Variants in SUCLG1 observed in about 807,000 individuals in gnomAD.
The protein encoded by SUCLG1 is succinate--CoA ligase [ADP/GDP-forming] subunit alpha, mitochondrial.
A neutral mutation model predicts 37.3 loss-of-function variants in SUCLG1; 26 were observed. The ratio of observed to expected loss-of-function variants is 0.70; its 90% CI spans 0.51 to 0.97. SUCLG1 has a LOEUF of 0.97. SUCLG1 is among the 50% of genes least tolerant of loss of function. The pLI, the probability that SUCLG1 is intolerant of heterozygous loss-of-function variation, is 0.00. For synonymous variants in SUCLG1, 163 were observed against 155.6 expected (o/e 1.05, Z -0.36); for missense variants, 433 against 432.9 (o/e 1.00, Z 0.00).
chr2:84,446,857 A>G (rs1672859759), intron 2 of SUCLG1, among the ~76,000 whole-genome samples: 1 of 152,272 alleles, frequency 6.6e-6, no homozygotes, highest in Non-Finnish European at 1.5e-5. Context: ...ATTAAAAACA[A>G]GCACCTACAC....
intron 1 of SUCLG1, among the ~76,000 whole-genome samples, chr2:84,452,492 C>A (rs887407397): frequency 6.6e-6 from 1 of 152,146 alleles, no homozygotes; most frequent in South Asian, 2.1e-4. Context: ...TATATCTTCA[C>A]ACGATATACA....
chr2:84,453,921 T>C (rs1004145544), intron 1 of SUCLG1, among the ~76,000 whole-genome samples: 3 of 152,220 alleles, frequency 2.0e-5, no homozygotes, highest in African/African-American at 7.2e-5. Context: ...GGCCTGGTCT[T>C]GAGTTTATGC....
At position 84,441,029 on chromosome 2, in the gene SUCLG1, T is replaced by C. The variant is rs1484024653; in HGVS notation, c.589+18A>G. On this transcript the variant is annotated intron_variant, in intron 5 of 8. Coordinates refer to ENST00000393868, the MANE Select transcript of SUCLG1 (RefSeq NM_003849.4). ...CAAATAACGTTTTAATCTATAAGAA[T>C]GTAACAAACAAACTCACCAATCCTT... is the stretch of plus-strand genomic sequence containing the variant. 5.0e-6 allele frequency: 8 copies of C among 1,612,726 alleles called. No individual in the cohort carries two copies. The highest frequency in any genetic ancestry group is 1.1e-5 in the South Asian group (1 of 91,038).
intron 1 of SUCLG1, among the ~76,000 whole-genome samples, chr2:84,450,146 G>A (rs1045857614): frequency 1.3e-5 from 2 of 152,020 alleles, no homozygotes; most frequent in Non-Finnish European, 1.5e-5. Flanking sequence ...AAACAGCCAC[G>A]TTTCCCCACT....
At chr2:84,454,277 T>C (rs1423266442) in intron 1 of SUCLG1, among the ~76,000 whole-genome samples, 4 of 152,236 alleles carry the variant, frequency 2.6e-5, no homozygotes, top group Non-Finnish European at 4.4e-5. Flanking sequence ...TAATGTGCAG[T>C]ATGCACAAAT....
Position 84,443,371 on chromosome 2 carries a change from T to C in SUCLG1, c.231A>G (p.Glu77=), listed in dbSNP as rs1375778904. Residue 77 remains glutamate (E), a synonymous_variant, in exon 3 of 9, where the codon GAA becomes GAG. Coordinates refer to ENST00000393868, the MANE Select transcript of SUCLG1 (RefSeq NM_003849.4). ...QGTFHSQQAL[E]YGTKLVGGTT... is the part of the protein sequence containing the mutation. ...TTCCTCCAACGAGTTTGGTGCCATATTCCAATGCCTGCTGGCTGTGAAAGG... is the reference window on the plus strand; with the variant it reads ...TTCCTCCAACGAGTTTGGTGCCATACTCCAATGCCTGCTGGCTGTGAAAGG... 2 of 1,614,166 alleles carry C rather than the reference T, an allele frequency of 1.2e-6. No individual in the cohort carries two copies. Among genetic ancestry groups the C allele is most frequent in the Non-Finnish European group, 1.7e-6 (2 of 1,179,998 alleles).
At chr2:84,434,670 C>T (rs925151715) in intron 5 of SUCLG1, among the ~76,000 whole-genome samples, 2 of 152,156 alleles carry the variant, frequency 1.3e-5, no homozygotes, top group Admixed American at 6.5e-5. Context: ...CTCAGAAGAC[C>T]CTTTTCTAAC....
chr2:84,436,462 G>A (rs1014812744), intron 5 of SUCLG1, among the ~76,000 whole-genome samples: 10 of 152,172 alleles, frequency 6.6e-5, no homozygotes, highest in African/African-American at 1.7e-4. Context: ...CAGTGCCTCC[G>A]ATCAACAGCT....
intron 5 of SUCLG1, among the ~76,000 whole-genome samples, chr2:84,434,413 C>G (rs1672654141): frequency 6.6e-6 from 1 of 152,150 alleles, no homozygotes; most frequent in Non-Finnish European, 1.5e-5. Context: ...TATAAATGGA[C>G]CTGTGTGAAA....
intron 7 of SUCLG1, chr2:84,426,904 A>T (rs1672543157): frequency 6.5e-6 from 1 of 152,676 alleles, no homozygotes; most frequent in Non-Finnish European, 1.5e-5. Context: ...TATACTTAAA[A>T]GAATTATTGA....
chr2:84,456,419 T>C (rs530066555), intron 1 of SUCLG1, among the ~76,000 whole-genome samples: 1 of 152,344 alleles, frequency 6.6e-6, no homozygotes, highest in Non-Finnish European at 1.5e-5. Context: ...GTTTACTTTC[T>C]GGCATTAAAA....
intron 7 of SUCLG1, among the ~76,000 whole-genome samples, chr2:84,427,248 G>A (rs1420643082): frequency 3.3e-5 from 5 of 152,240 alleles, no homozygotes; most frequent in African/African-American, 1.2e-4. Context: ...CTGCCTTACA[G>A]ATAATTGGGA....
At chr2:84,424,133 C>A (rs1672496323) in intron 8 of SUCLG1, among the ~76,000 whole-genome samples, 1 of 152,124 alleles carries the variant, frequency 6.6e-6, no homozygotes, top group African/African-American at 2.4e-5. Flanking sequence ...ATACATGAAC[C>A]CTTCTAAGAA....
intron 6 of SUCLG1, 121 bp from the exon 7 acceptor site, chr2:84,431,780 G>T: frequency 1.0e-6 from 1 of 962,794 alleles, no homozygotes; most frequent in Non-Finnish European, 1.6e-6. Flanking sequence ...ATTTTTAAAT[G>T]TATCATTGCT....
chr2:84,434,041 G>A (rs1229232969), intron 5 of SUCLG1, among the ~76,000 whole-genome samples: 2 of 152,020 alleles, frequency 1.3e-5, no homozygotes, highest in Middle Eastern at 3.2e-3. Flanking sequence ...CATGTGACAC[G>A]TCTACTCCCC....
chr2:84,437,809 C>T (rs529638958), intron 5 of SUCLG1, among the ~76,000 whole-genome samples: 9 of 152,170 alleles, frequency 5.9e-5, no homozygotes, highest in Non-Finnish European at 1.0e-4. Flanking sequence ...CTGAAAACAA[C>T]CCAGATGTCT....
At chr2:84,428,944 T>G (rs1157949502) in intron 7 of SUCLG1, among the ~76,000 whole-genome samples, 1 of 152,224 alleles carries the variant, frequency 6.6e-6, no homozygotes, top group African/African-American at 2.4e-5. Context: ...ATTGTCAAGT[T>G]ACTAATCTTC....
intron 7 of SUCLG1, among the ~76,000 whole-genome samples, chr2:84,428,094 C>T (rs1232391025): frequency 6.6e-6 from 1 of 152,188 alleles, no homozygotes; most frequent in Non-Finnish European, 1.5e-5. Flanking sequence ...CTTCCAGTAA[C>T]CCCAGAATGC....
rs1480614394 is a variant in SUCLG1, at chr2:84,451,975, T to C, written c.98-2223A>G. Reference sequence around the variant, plus strand: ...ATTCCATCCTGACAATAAACCTGTATGATGCCAGACAAGGTTATCATCTGG... The same window carrying C: ...ATTCCATCCTGACAATAAACCTGTACGATGCCAGACAAGGTTATCATCTGG... On this transcript the variant is annotated intron_variant, in intron 1 of 8. Transcript: ENST00000393868. 2.6e-5 allele frequency among the ~76,000 whole-genome samples: 4 copies of C among 152,334 alleles called. No homozygotes were observed. The East Asian group carries it at 7.7e-4, about 29-fold the overall frequency.
Sources: allele counts gnomAD v4.1 joint callset (sites outside exome capture counted in the v4.1 genomes callset), GRCh38; gene constraint gnomAD v4.1.1; transcripts MANE v1.5; gene names NCBI Gene and HGNC (gene_info 2026-07-23, HGNC 2026-07-21).